Variants in LRP1B observed in about 807,000 individuals in gnomAD.
LRP1B encodes the protein low-density lipoprotein receptor-related protein 1B.
In LRP1B, 217 loss-of-function variants were observed where a neutral mutation model predicts 556.6. That is an observed-to-expected ratio of 0.39 (90% CI 0.35 to 0.44). LRP1B has a LOEUF of 0.44. Among genes scored for constraint, LRP1B ranks in the 20% least tolerant of loss-of-function variants. The probability of loss-of-function intolerance (pLI) is 1.00; values close to 1 mark genes in which losing one functional copy is unlikely to be tolerated. For missense variants in LRP1B, 5,053 were observed against 5,620.8 expected, an observed-to-expected ratio of 0.90 and a Z score of 3.23; for synonymous variants, 2,047 against 1,865.8, an observed-to-expected ratio of 1.10 and a Z score of -2.50.
At chr2:140,419,871 G>A (rs1685359102) in intron 66 of LRP1B, among the ~76,000 whole-genome samples, 2 of 152,074 alleles carry the variant, frequency 1.3e-5, no homozygotes, top group African/African-American at 4.8e-5. Flanking sequence ...AGTCCTGCAT[G>A]GTGGCACATG....
At chr2:140,737,954 T>C (rs1688003899) in intron 35 of LRP1B, among the ~76,000 whole-genome samples, 1 of 152,168 alleles carries the variant, frequency 6.6e-6, no homozygotes, top group South Asian at 2.1e-4. Flanking sequence ...GTCTGATCCA[T>C]GCACTTTTTC....
chr2:141,885,419 AAAGTGACAT>A (rs1419508400), intron 1 of LRP1B, among the ~76,000 whole-genome samples: 1 of 152,228 alleles, frequency 6.6e-6, no homozygotes, highest in Non-Finnish European at 1.5e-5. Context: ...AAAGACAGAA[AAAGTGACAT>A]AAGCTCTTCG....
chr2:140,306,181 G>A (rs1684057547), intron 83 of LRP1B, among the ~76,000 whole-genome samples: 2 of 150,850 alleles, frequency 1.3e-5, no homozygotes, highest in Non-Finnish European at 3.0e-5. Context: ...ATGAGTTAGG[G>A]AGGATTCCCT....
chr2:141,439,861 C>T (rs1189237791), intron 3 of LRP1B, among the ~76,000 whole-genome samples: 3 of 152,082 alleles, frequency 2.0e-5, no homozygotes, highest in Non-Finnish European at 4.4e-5. Context: ...AATAACAAAC[C>T]TTAATTTCTT....
chr2:140,532,929 GATAT>G (rs539867412), intron 47 of LRP1B, among the ~76,000 whole-genome samples: 5 of 50,352 alleles, frequency 9.9e-5, no homozygotes, highest in African/African-American at 2.4e-4. Flanking sequence ...CACAGCACAA[GATAT>G]ATATATATAT....
At chr2:141,408,866 T>C (rs935973420) in intron 3 of LRP1B, among the ~76,000 whole-genome samples, 1 of 152,176 alleles carries the variant, frequency 6.6e-6, no homozygotes. Context: ...TTTTATATAT[T>C]TCCATGAGAT....
chr2:141,574,866 G>C (rs893307482), intron 2 of LRP1B, among the ~76,000 whole-genome samples: 1 of 152,030 alleles, frequency 6.6e-6, no homozygotes, highest in Admixed American at 6.6e-5. Flanking sequence ...TCATTACAAA[G>C]AGAATAGAAT....
chr2:140,936,012 T>C (rs1695193376), intron 20 of LRP1B, among the ~76,000 whole-genome samples: 1 of 151,010 alleles, frequency 6.6e-6, no homozygotes, highest in Admixed American at 6.6e-5. Context: ...TATATGTGTG[T>C]GTGTGTGTGT....
intron 27 of LRP1B, among the ~76,000 whole-genome samples, chr2:140,855,493 G>GGAAAAAAGAAAAAAA (rs570169727): frequency 1.0e-5 from 1 of 99,370 alleles, no homozygotes; most frequent in Non-Finnish European, 2.0e-5. Context: ...TCTCTACTGG[G>GGAAAAAAGAAAAAAA]AAAAAAAAAA....
intron 1 of LRP1B, among the ~76,000 whole-genome samples, chr2:141,933,944 T>G (rs1700568927): frequency 6.6e-6 from 1 of 151,906 alleles, no homozygotes; most frequent in African/African-American, 2.4e-5. Flanking sequence ...TCATCATGAG[T>G]AAGGGCCCAC....
At chr2:141,483,781 A>C (rs987029428) in intron 2 of LRP1B, among the ~76,000 whole-genome samples, 1 of 151,652 alleles carries the variant, frequency 6.6e-6, no homozygotes, top group East Asian at 2.0e-4. Flanking sequence ...GTGTCTGTTC[A>C]TATCCTTTGC....
chr2:141,141,524 C>T (rs1701651341), intron 7 of LRP1B, among the ~76,000 whole-genome samples: 1 of 152,118 alleles, frequency 6.6e-6, no homozygotes, highest in Non-Finnish European at 1.5e-5. Flanking sequence ...ACTTTACTGA[C>T]AAGATAGGTA....
intron 55 of LRP1B, 111 bp downstream of exon 55, chr2:140,501,576 G>T: frequency 6.0e-6 from 4 of 671,606 alleles, no homozygotes; most frequent in African/African-American, 1.8e-5. Flanking sequence ...CATTCAATTC[G>T]TTTTAATATT....
At position 140,716,964 on chromosome 2, in the gene LRP1B, T is replaced by C. The variant is rs538424233; in HGVS notation, c.5759-148A>G. ...AGTATTCTTCAGGATAATTTACTAATATAAATAGTAAAAAAAAAGCATGAA... is the reference window on the plus strand; with the variant it reads ...AGTATTCTTCAGGATAATTTACTAACATAAATAGTAAAAAAAAAGCATGAA... On this transcript the variant is annotated intron_variant, in intron 35 of 90. Coordinates refer to ENST00000389484, the MANE Select transcript of LRP1B (RefSeq NM_018557.3). The C allele has an allele frequency of 3.9e-4, 157 of 404,184 alleles. 4 individuals are homozygous for C. In the South Asian group the frequency reaches 0.016, roughly 42 times the overall value. 25.0% of individuals were successfully genotyped at this position (404,184 alleles called of 1,614,324 possible).
At chr2:141,447,044 A>G (rs1359419564) in intron 3 of LRP1B, among the ~76,000 whole-genome samples, 1 of 152,122 alleles carries the variant, frequency 6.6e-6, no homozygotes, top group Non-Finnish European at 1.5e-5. Flanking sequence ...ACTTTCAGGT[A>G]TGCCAATCAA....
chr2:140,873,289 A>T (rs771413293), intron 25 of LRP1B, among the ~76,000 whole-genome samples: 1 of 152,128 alleles, frequency 6.6e-6, no homozygotes, highest in Non-Finnish European at 1.5e-5. Flanking sequence ...GATCTTTAAT[A>T]AATAAGACAT....
intron 1 of LRP1B, among the ~76,000 whole-genome samples, chr2:141,917,761 T>C (rs1270697319): frequency 6.6e-6 from 1 of 152,226 alleles, no homozygotes; most frequent in Admixed American, 6.5e-5. Context: ...CACAATTATG[T>C]AATTTACTTG....
At chr2:141,255,912 ATTGGC>A (rs1311098046) in intron 3 of LRP1B, among the ~76,000 whole-genome samples, 1 of 151,894 alleles carries the variant, frequency 6.6e-6, no homozygotes, top group Non-Finnish European at 1.5e-5. Flanking sequence ...TCAGTTCAAA[ATTGGC>A]TTGAGTCTAT....
At chr2:141,403,132 T>A (rs988258613) in intron 3 of LRP1B, among the ~76,000 whole-genome samples, 3 of 152,094 alleles carry the variant, frequency 2.0e-5, no homozygotes, top group Non-Finnish European at 4.4e-5. Context: ...CAAGGCCCAC[T>A]ATGAAGAACC....
Sources: gnomAD v4.1 joint callset for allele counts (sites outside exome capture counted in the v4.1 genomes callset) on GRCh38, gnomAD v4.1.1 for gene constraint, MANE v1.5 for transcripts, NCBI Gene and HGNC (gene_info 2026-07-23, HGNC 2026-07-21) for gene names.